SMPD4: variants seen among roughly 807,000 people sequenced by gnomAD.
SMPD4 encodes the protein sphingomyelin phosphodiesterase 4.
A neutral mutation model predicts 97.8 loss-of-function variants in SMPD4; 58 were observed. The ratio of observed to expected loss-of-function variants is 0.59; its 90% CI spans 0.48 to 0.74. The LOEUF is 0.74. SMPD4 is among the 30% of genes least tolerant of loss of function. The pLI, the probability that SMPD4 is intolerant of heterozygous loss-of-function variation, is 0.00. For missense variants in SMPD4, 853 were observed against 1,080.5 expected (o/e 0.79, Z 2.95); for synonymous variants, 388 against 450.0 (o/e 0.86, Z 1.74).
chr2:130,179,528 AG>A (rs1199575015), intron 1 of SMPD4, among the ~76,000 whole-genome samples: 1 of 152,034 alleles, frequency 6.6e-6, no homozygotes, highest in African/African-American at 2.4e-5. Context: ...CTGGGATTAC[AG>A]GGGCCTGCCA....
chr2:130,172,463 C>G lies in SMPD4; in HGVS notation c.545G>C (p.Cys182Ser). The G allele has an allele frequency of 6.2e-7, 1 of 1,612,384 alleles. No homozygotes were observed. The highest frequency in any genetic ancestry group is 8.5e-7 in the Non-Finnish European group (1 of 1,179,094). Residue 182 changes from cysteine to serine, a missense_variant, in exon 8 of 20, where the codon TGT (cysteine) becomes TCT (serine). Physicochemically the swap from Cys to Ser is moderately radical, Grantham distance 112. This residue lies in a region of SMPD4 where 313 missense variants were observed against 402.2 expected (regional missense o/e 0.78). Coordinates refer to ENST00000680298, the MANE Select transcript of SMPD4 (RefSeq NM_017951.5). ...PVSLHVRTSD[C>S]AYFILVDRYL... Reference sequence around the variant, plus strand: ...CCTGTCCACCAGGATGAAATAGGCACAGTCTGAAGTACGGACGTGGAGGGA... The same window carrying G: ...CCTGTCCACCAGGATGAAATAGGCAGAGTCTGAAGTACGGACGTGGAGGGA...
In SMPD4 at chr2:130,153,728, G is replaced by A. The variant is rs1686469740; in HGVS notation, c.1867C>T (p.Leu623=). The change falls in exon 17 of 20, where the codon CTG becomes TTG. Residue 623 remains leucine, a synonymous_variant. Transcript: ENST00000680298. ...CGGAATATCTGGCGCAGGTACTCCA[G>A]GGCCTTCTCCAGGTATTCATCTGTC... ...RKTDEYLEKA[L]EYLRQIFRLS... 4 of 1,613,920 alleles carry A rather than the reference G, an allele frequency of 2.5e-6. No individual in the cohort carries two copies. The highest frequency in any genetic ancestry group is 3.4e-6 in the Non-Finnish European group (4 of 1,179,862).
At chr2:130,178,698 G>A (rs975795941) in intron 1 of SMPD4, among the ~76,000 whole-genome samples, 5 of 151,854 alleles carry the variant, frequency 3.3e-5, no homozygotes, top group Admixed American at 2.0e-4. Flanking sequence ...GGGAGGCTGA[G>A]GCATGAGAAA....
chr2:130,178,206 G>A (rs966709587), intron 1 of SMPD4, among the ~76,000 whole-genome samples: 16 of 152,054 alleles, frequency 1.1e-4, no homozygotes, highest in African/African-American at 3.6e-4. Flanking sequence ...AATGGATGCC[G>A]GTTTAAGCTG....
chr2:130,176,446 T>TA lies in SMPD4; in HGVS notation c.39+107dup, dbSNP rs1008485447. 8.1e-5 allele frequency: 70 copies of TA among 866,704 alleles called. 1 individual carries two copies. The highest frequency in any genetic ancestry group is 9.9e-5 in the Non-Finnish European group (56 of 567,022). The allele number at this position is 866,704 out of a possible 1,614,324, so 53.7% of individuals were successfully genotyped here. A position where few individuals can be genotyped will look rare whatever the true frequency, so the allele number is the denominator to read the frequency against. On this transcript the variant is annotated intron_variant, in intron 2 of 19. Transcript: ENST00000680298. ...TGCCATTGTTTCCATCACATGCCCC[T>TA]AAAAAACAACCACTACAGAGTTCTT...
In SMPD4 at chr2:130,153,088, G is replaced by A. The variant is rs1272821644; in HGVS notation, c.2109C>T (p.Ser703=). ...LQPIRSYEIA[S]LVRTLFRLSS... Reference sequence around the variant, plus strand: ...ACAGCCTAAAGAGTGTGCGGACCAAGCTGGCGATCTCATAGCTCCGGATGG... The same window carrying A: ...ACAGCCTAAAGAGTGTGCGGACCAAACTGGCGATCTCATAGCTCCGGATGG... Residue 703 remains serine, a synonymous_variant, in exon 19 of 20, where the codon AGC becomes AGT. Transcript: ENST00000680298. 2 of 1,613,258 alleles carry A rather than the reference G, an allele frequency of 1.2e-6. No individual in the cohort carries two copies. The highest frequency in any genetic ancestry group is 1.7e-6 in the Non-Finnish European group (2 of 1,180,014).
chr2:130,173,386 CAG>C (rs761658764), intron 4 of SMPD4, 32 bp from the exon 5 acceptor site: 2 of 1,609,214 alleles, frequency 1.2e-6, no homozygotes, highest in Non-Finnish European at 1.7e-6. Flanking sequence ...CAAACAAAAA[CAG>C]GGCAAATGAA....
chr2:130,176,824 C>T (rs1009276051), intron 1 of SMPD4, among the ~76,000 whole-genome samples, 187 bp from the exon 2 acceptor site: 7 of 151,956 alleles, frequency 4.6e-5, no homozygotes, highest in Admixed American at 3.9e-4. Flanking sequence ...AGTACAGGCA[C>T]GTGCCACTAT....
intron 9 of SMPD4, 67 bp downstream of exon 9, chr2:130,167,391 G>T: frequency 6.2e-7 from 1 of 1,607,314 alleles, no homozygotes. Flanking sequence ...AAAGTGCTGG[G>T]GATTATAGGC....
Position 130,152,675 on chromosome 2 carries a change from G to A in SMPD4, c.2364C>T (p.Phe788=), listed in dbSNP as rs377045978. 9.4e-4 allele frequency: 1,476 copies of A among 1,569,748 alleles called. 3 individuals are homozygous for A. The highest frequency in any genetic ancestry group is 1.1e-3 in the Non-Finnish European group (1,233 of 1,158,426). Residue 788 remains phenylalanine, a synonymous_variant, in exon 20 of 20, where the codon TTC becomes TTT. Coordinates refer to ENST00000680298, the MANE Select transcript of SMPD4 (RefSeq NM_017951.5). ...RTLVSLLLAF[F]VASLFCVGPL... The stretch of plus-strand genomic sequence containing the variant: ...GCCCGACGCAGAACAGAGAGGCCAC[G>A]AAGAAGGCCAGCAGCAGCGAGACCA...
intron 9 of SMPD4, among the ~76,000 whole-genome samples, chr2:130,165,475 A>G (rs1687848266): frequency 6.6e-6 from 1 of 152,164 alleles, no homozygotes; most frequent in African/African-American, 2.4e-5. Context: ...CTACTGAGAG[A>G]TGAATGAATA....
intron 8 of SMPD4, among the ~76,000 whole-genome samples, chr2:130,168,355 T>C (rs761101555): frequency 6.6e-5 from 10 of 150,496 alleles, no homozygotes; most frequent in Non-Finnish European, 8.9e-5. Context: ...GCCCAGGAGG[T>C]TGAGGTTGCT....
chr2:130,152,765 C>T lies in SMPD4; in HGVS notation c.2274G>A (p.Arg758=). ...SRHLLSPVGR[R]QVAGHTRGPR... ...GGCCGCGGGTGTGGCCGGCCACCTG[C>T]CTCCGCCCCACAGGGCTCAGCAGGT... Residue 758 remains arginine, a synonymous_variant, in exon 20 of 20, where the codon AGG becomes AGA. Coordinates refer to ENST00000680298, the MANE Select transcript of SMPD4 (RefSeq NM_017951.5). 5 of 1,604,844 alleles carry T rather than the reference C, an allele frequency of 3.1e-6. No individual in the cohort carries two copies. Among genetic ancestry groups the T allele is most frequent in the Non-Finnish European group, 3.4e-6 (4 of 1,176,846 alleles).
chr2:130,179,464 G>A (rs1689286621), intron 1 of SMPD4, among the ~76,000 whole-genome samples: 1 of 150,848 alleles, frequency 6.6e-6, no homozygotes, highest in African/African-American at 2.4e-5. Context: ...TCATCTCACT[G>A]CAACCTCCAC....
intron 8 of SMPD4, among the ~76,000 whole-genome samples, 183 bp downstream of exon 8, chr2:130,172,166 G>C (rs1688531881): frequency 6.6e-6 from 1 of 152,198 alleles, no homozygotes; most frequent in Non-Finnish European, 1.5e-5. Flanking sequence ...TGAACACTAA[G>C]GACAGATTGC....
chr2:130,174,081 C>T lies in SMPD4; in HGVS notation c.127-425G>A, dbSNP rs184221102. ...TGTTGCCCTGGCTGGAGTGCAGTGG[C>T]GCAATTATGGCTCACTGCAGCCTCG... On this transcript the variant is annotated intron_variant, in intron 3 of 19. Transcript: ENST00000680298. Among the ~76,000 whole-genome samples, 267 of 152,276 alleles carry T rather than the reference C, an allele frequency of 1.8e-3. 2 individuals carry two copies. The highest frequency in any genetic ancestry group is 5.9e-3 in the African/African-American group (246 of 41,548).
At position 130,154,884 on chromosome 2, in the gene SMPD4, C is replaced by T. The variant is rs950781682; in HGVS notation, c.1453+212G>A. 8.8e-6 allele frequency: 6 copies of T among 683,652 alleles called. No individual in the cohort carries two copies. The Admixed American group carries it at 1.8e-4, about 20-fold the overall frequency. The allele number at this position is 683,652 out of a possible 1,614,324, so 42.3% of individuals were successfully genotyped here. A position where few individuals can be genotyped will look rare whatever the true frequency, so the allele number is the denominator to read the frequency against. On this transcript the variant is annotated intron_variant, in intron 15 of 19. Coordinates refer to ENST00000680298, the MANE Select transcript of SMPD4 (RefSeq NM_017951.5). Reference sequence around the variant, plus strand: ...CTCTGTGGGCACACCTGCGATCCCCCACCCAGTGCCTGGTGGCTGCAGGGC... The same window carrying T: ...CTCTGTGGGCACACCTGCGATCCCCTACCCAGTGCCTGGTGGCTGCAGGGC...
chr2:130,161,288 G>C lies in SMPD4; in HGVS notation c.865-16C>G, dbSNP rs1239431799. On this transcript the variant is annotated splice_polypyrimidine_tract_variant and intron_variant, in intron 10 of 19. Transcript: ENST00000680298. The stretch of plus-strand genomic sequence containing the variant: ...GAACCTCCAGCTGAGATAAGAAACA[G>C]AGAGATGCCGGAAGAGGCCGAAGAG... 2 of 1,612,864 alleles carry C rather than the reference G, an allele frequency of 1.2e-6. No individual in the cohort carries two copies. Among genetic ancestry groups the C allele is most frequent in the African/African-American group, 2.7e-5 (2 of 74,870 alleles).
chr2:130,179,150 G>T (rs552500483), intron 1 of SMPD4, among the ~76,000 whole-genome samples: 1 of 146,422 alleles, frequency 6.8e-6, no homozygotes, highest in South Asian at 2.1e-4. Context: ...TTGAGACAGA[G>T]TCTCGCTCTG....
Sources: gnomAD v4.1 joint callset for allele counts (sites outside exome capture counted in the v4.1 genomes callset) on GRCh38, gnomAD v4.1.1 for gene constraint, gnomAD v4.1.1 regional missense constraint, MANE v1.5 for transcripts, NCBI Gene and HGNC (gene_info 2026-07-23, HGNC 2026-07-21) for gene names.